KAZN: variants seen among roughly 807,000 people sequenced by gnomAD.
KAZN encodes the protein kazrin.
A neutral mutation model predicts 87.4 loss-of-function variants in KAZN; 40 were observed. That is an observed-to-expected ratio of 0.46 (90% CI 0.36 to 0.60). The LOEUF is 0.60. KAZN is among the 20% of genes least tolerant of loss of function. The probability of loss-of-function intolerance (pLI) is 0.00; values close to 1 mark genes in which losing one functional copy is unlikely to be tolerated. For missense variants in KAZN, 898 were observed against 1,073.9 expected, an observed-to-expected ratio of 0.84 and a Z score of 2.29; for synonymous variants, 466 against 458.3, an observed-to-expected ratio of 1.02 and a Z score of -0.22.
intron 2 of KAZN, among the ~76,000 whole-genome samples, chr1:14,525,795 T>A (rs760673685): frequency 1.7e-4 from 26 of 152,250 alleles, no homozygotes; most frequent in Non-Finnish European, 3.4e-4. Flanking sequence ...TGCTAGCTAC[T>A]GTTAGTGCTC....
chr1:13,894,048 G>A (rs1336929632), intron 1 of KAZN, among the ~76,000 whole-genome samples: 3 of 152,206 alleles, frequency 2.0e-5, no homozygotes, highest in African/African-American at 7.2e-5. Context: ...TAGCTGGGGG[G>A]TGAAGGAGGG....
intron 1 of KAZN, among the ~76,000 whole-genome samples, chr1:14,028,930 A>G (rs1641202531): frequency 6.6e-6 from 1 of 152,190 alleles, no homozygotes; most frequent in Non-Finnish European, 1.5e-5. Context: ...GCCGCAATAA[A>G]CATACTTGTG....
At chr1:14,360,980 G>A (rs996363847) in intron 2 of KAZN, among the ~76,000 whole-genome samples, 5 of 152,188 alleles carry the variant, frequency 3.3e-5, no homozygotes, top group Non-Finnish European at 5.9e-5. Context: ...CTAGGAGATC[G>A]GCTGCTCTCT....
intron 2 of KAZN, among the ~76,000 whole-genome samples, chr1:14,190,823 G>A (rs1405694809): frequency 6.6e-6 from 1 of 151,982 alleles, no homozygotes; most frequent in Non-Finnish European, 1.5e-5. Flanking sequence ...ATTTCAGCTG[G>A]GCTCATCCCA....
At chr1:14,116,419 G>A (rs1249269212) in intron 1 of KAZN, among the ~76,000 whole-genome samples, 1 of 152,230 alleles carries the variant, frequency 6.6e-6, no homozygotes, top group Non-Finnish European at 1.5e-5. Context: ...GCTTCAGAGG[G>A]TGCAAGCCTC....
intron 1 of KAZN, among the ~76,000 whole-genome samples, chr1:14,026,053 C>T (rs1641056504): frequency 6.6e-6 from 1 of 152,014 alleles, no homozygotes; most frequent in Non-Finnish European, 1.5e-5. Context: ...GAATGTAAAA[C>T]TCTATCTGAG....
intron 1 of KAZN, among the ~76,000 whole-genome samples, chr1:14,099,778 G>A (rs953995224): frequency 1.3e-5 from 2 of 152,138 alleles, no homozygotes; most frequent in African/African-American, 2.4e-5. Context: ...AAAGTGAAAT[G>A]GTACCTTTAA....
intron 1 of KAZN, among the ~76,000 whole-genome samples, chr1:14,913,016 T>G (rs183717944): frequency 6.6e-6 from 1 of 152,278 alleles, no homozygotes; most frequent in East Asian, 1.9e-4. Context: ...CTGAGACACT[T>G]GGCAAGATGC....
At chr1:14,478,249 A>AGGAAG (rs1553178122) in intron 2 of KAZN, among the ~76,000 whole-genome samples, 180 of 101,482 alleles carry the variant, frequency 1.8e-3, no homozygotes, top group African/African-American at 8.2e-3. Context: ...AGGAAGGAAA[A>AGGAAG]GAAGGAAGGA....
intron 2 of KAZN, among the ~76,000 whole-genome samples, chr1:14,351,633 C>T (rs770750397): frequency 6.6e-5 from 10 of 152,212 alleles, no homozygotes; most frequent in Non-Finnish European, 1.2e-4. Context: ...GGGCCATCAT[C>T]TGTGCCAGGA....
At chr1:14,690,024 C>G (rs1050250349) in intron 1 of KAZN, among the ~76,000 whole-genome samples, 3 of 152,154 alleles carry the variant, frequency 2.0e-5, no homozygotes, top group Admixed American at 6.5e-5. Flanking sequence ...CTAAGCCCTG[C>G]TCTAAGGCTG....
chr1:14,758,861 C>T (rs1644652178), intron 1 of KAZN, among the ~76,000 whole-genome samples: 1 of 151,456 alleles, frequency 6.6e-6, no homozygotes, highest in Non-Finnish European at 1.5e-5. Context: ...GCATGGGTTA[C>T]TCTTCTGGGT....
chr1:15,036,973 G>A (rs541401121), intron 3 of KAZN, among the ~76,000 whole-genome samples: 1 of 152,278 alleles, frequency 6.6e-6, no homozygotes, highest in South Asian at 2.1e-4. Context: ...CAGGGCAGGG[G>A]CTTACAGGGC....
rs1337342923 is a variant in KAZN at position 14,239,451 on chromosome 1, G to GGTTCTTTTTTTTTTTT, written c.249+58859_249+58860insGTTCTTTTTTTTTTTT. The stretch of plus-strand genomic sequence containing the variant: ...GCAGTAAATTATACACATAAGTTGG[G>GGTTCTTTTTTTTTTTT]TTTCTTTTTTTTTTTTTTTTTTTTT... On this transcript the variant is annotated intron_variant, in intron 2 of 16. Transcript: ENST00000636203. 1.8e-5 allele frequency among the ~76,000 whole-genome samples: 2 copies of GGTTCTTTTTTTTTTTT among 110,644 alleles called. 1 individual carries two copies. The highest frequency in any genetic ancestry group is 6.5e-5 in the African/African-American group (2 of 30,602). 72.6% of individuals were successfully genotyped at this position (110,644 alleles called of 152,430 possible).
At chr1:14,750,331 A>C (rs1162511885) in intron 1 of KAZN, among the ~76,000 whole-genome samples, 1 of 152,198 alleles carries the variant, frequency 6.6e-6, no homozygotes, top group African/African-American at 2.4e-5. Flanking sequence ...GAGAGCAGCC[A>C]CGGCTCCTGA....
chr1:15,020,204 C>T (rs983273014), intron 2 of KAZN, among the ~76,000 whole-genome samples: 1 of 152,220 alleles, frequency 6.6e-6, no homozygotes, highest in Non-Finnish European at 1.5e-5. Context: ...ATTCCCCACA[C>T]ACTAGTCACT....
At chr1:14,292,415 T>G (rs960011731) in intron 2 of KAZN, among the ~76,000 whole-genome samples, 1 of 152,146 alleles carries the variant, frequency 6.6e-6, no homozygotes, top group African/African-American at 2.4e-5. Context: ...TTGGGGACCC[T>G]TCCAAGGCTT....
At chr1:14,592,170 T>C (rs564946633) in intron 2 of KAZN, among the ~76,000 whole-genome samples, 60 of 152,212 alleles carry the variant, frequency 3.9e-4, no homozygotes, top group African/African-American at 1.4e-3. Context: ...ATTCATCTCC[T>C]AGATAGGCCA....
chr1:14,974,088 A>G (rs1665366735), intron 2 of KAZN, among the ~76,000 whole-genome samples: 1 of 151,996 alleles, frequency 6.6e-6, no homozygotes, highest in Non-Finnish European at 1.5e-5. Context: ...TGGGTCCGGC[A>G]ACCACATGCC....
Sources: allele counts gnomAD v4.1 joint callset (sites outside exome capture counted in the v4.1 genomes callset), GRCh38; gene constraint gnomAD v4.1.1; transcripts MANE v1.5; gene names NCBI Gene and HGNC (gene_info 2026-07-23, HGNC 2026-07-21).